Variants in ETV6 observed in about 807,000 individuals in gnomAD.
ETV6 encodes ETS variant transcription factor 6, also known as transcription factor ETV6.
In ETV6, 16 loss-of-function variants were observed where a neutral mutation model predicts 51.1. The ratio of observed to expected loss-of-function variants is 0.31; its 90% CI spans 0.21 to 0.48. The LOEUF (loss-of-function observed/expected upper bound fraction) is 0.48. ETV6 is among the 20% of genes least tolerant of loss of function. ETV6 has a pLI of 0.99. For missense variants in ETV6, 458 were observed against 594.8 expected, an observed-to-expected ratio of 0.77 and a Z score of 2.39; for synonymous variants, 240 against 224.1, an observed-to-expected ratio of 1.07 and a Z score of -0.64.
chr12:11,785,211 C>G (rs1320674891), intron 2 of ETV6, among the ~76,000 whole-genome samples: 1 of 152,024 alleles, frequency 6.6e-6, no homozygotes, highest in Non-Finnish European at 1.5e-5. Context: ...CAGGCCGTAC[C>G]AAGCATGTTC....
At position 11,891,188 on chromosome 12, in the gene ETV6, G is replaced by A. The variant is rs1246197772; in HGVS notation, c.*142G>A. Reference sequence around the variant, plus strand: ...AAATGGCAGGGACACTTCTCTTGCAGACCAAGAGGGACCCTGGAGCACCTT... The same window carrying A: ...AAATGGCAGGGACACTTCTCTTGCAAACCAAGAGGGACCCTGGAGCACCTT... On this transcript the variant is annotated 3_prime_UTR_variant, in exon 8 of 8. Coordinates refer to ENST00000396373, the MANE Select transcript of ETV6 (RefSeq NM_001987.5). The A allele has an allele frequency of 1.6e-6, 1 of 623,720 alleles. No individual in the cohort carries two copies. The highest frequency in any genetic ancestry group is 2.8e-6 in the Non-Finnish European group (1 of 354,600). 38.6% of individuals were successfully genotyped at this position (623,720 alleles called of 1,614,324 possible). A position where few individuals can be genotyped will look rare whatever the true frequency, so the allele number is the denominator to read the frequency against.
intron 7 of ETV6, among the ~76,000 whole-genome samples, chr12:11,890,588 C>T (rs954623217): frequency 1.5e-5 from 2 of 133,166 alleles, no homozygotes; most frequent in African/African-American, 5.4e-5. Context: ...CCACCGTACC[C>T]AGATTTTTTT....
chr12:11,814,400 C>G (rs557174733), intron 2 of ETV6, among the ~76,000 whole-genome samples: 2 of 151,940 alleles, frequency 1.3e-5, no homozygotes, highest in African/African-American at 4.8e-5. Context: ...ACAGATCATT[C>G]GATCTCAAAC....
chr12:11,879,712 C>T (rs990441049), intron 5 of ETV6, among the ~76,000 whole-genome samples: 2 of 152,152 alleles, frequency 1.3e-5, no homozygotes, highest in Non-Finnish European at 2.9e-5. Flanking sequence ...AAAGCCCTTT[C>T]GTTTAAGAAA....
At chr12:11,855,387 T>G (rs1370222339) in intron 4 of ETV6, among the ~76,000 whole-genome samples, 1 of 152,182 alleles carries the variant, frequency 6.6e-6, no homozygotes, top group East Asian at 1.9e-4. Flanking sequence ...CACTCAGTGA[T>G]GGATCGTGCC....
At chr12:11,799,221 A>G (rs1443387948) in intron 2 of ETV6, among the ~76,000 whole-genome samples, 3 of 152,224 alleles carry the variant, frequency 2.0e-5, no homozygotes, top group African/African-American at 7.2e-5. Flanking sequence ...ACAGGTTCAC[A>G]ACTTTGCAAG....
chr12:11,766,113 C>CTG (rs1280007923), intron 2 of ETV6, among the ~76,000 whole-genome samples: 1 of 152,122 alleles, frequency 6.6e-6, no homozygotes, highest in Non-Finnish European at 1.5e-5. Context: ...TCCCCACTTG[C>CTG]TGGGTGAAAG....
At chr12:11,765,790 G>T (rs1399700691) in intron 2 of ETV6, among the ~76,000 whole-genome samples, 1 of 152,074 alleles carries the variant, frequency 6.6e-6, no homozygotes, top group Admixed American at 6.5e-5. Flanking sequence ...ACTATAATTT[G>T]TCATTTTATT....
intron 1 of ETV6, among the ~76,000 whole-genome samples, chr12:11,651,098 C>T (rs561705607): frequency 4.3e-4 from 66 of 152,304 alleles, no homozygotes; most frequent in African/African-American, 1.4e-3. Flanking sequence ...TATCCATCTA[C>T]CCGTGTTATT....
At chr12:11,686,483 G>A (rs1864630399) in intron 1 of ETV6, among the ~76,000 whole-genome samples, 1 of 152,214 alleles carries the variant, frequency 6.6e-6, no homozygotes, top group Admixed American at 6.5e-5. Flanking sequence ...AAAAGGGTCT[G>A]GGATGTTTTT....
intron 5 of ETV6, among the ~76,000 whole-genome samples, chr12:11,877,480 A>G (rs1947009239): frequency 6.6e-6 from 1 of 152,158 alleles, no homozygotes; most frequent in Non-Finnish European, 1.5e-5. Flanking sequence ...GCACACATGC[A>G]TCTGTGCATA....
intron 2 of ETV6, among the ~76,000 whole-genome samples, chr12:11,767,775 A>G (rs775011813): frequency 4.6e-5 from 7 of 152,240 alleles, no homozygotes; most frequent in Non-Finnish European, 8.8e-5. Context: ...TATTCATTGT[A>G]TAAGAGCTTG....
chr12:11,803,878 T>C (rs1317238021), intron 2 of ETV6, among the ~76,000 whole-genome samples: 1 of 152,214 alleles, frequency 6.6e-6, no homozygotes, highest in African/African-American at 2.4e-5. Context: ...ATAGACCATA[T>C]TGATGTCATA....
intron 1 of ETV6, among the ~76,000 whole-genome samples, chr12:11,678,382 A>C (rs2541116): frequency 0.99 from 150,039 of 152,272 alleles, 73,954 homozygotes; most frequent in East Asian, 1. Flanking sequence ...TGGTTAGCTA[A>C]CAAAACTAAC....
intron 2 of ETV6, among the ~76,000 whole-genome samples, chr12:11,808,279 T>C (rs1945859560): frequency 6.6e-6 from 1 of 152,162 alleles, no homozygotes; most frequent in Non-Finnish European, 1.5e-5. Flanking sequence ...TATTTTTCTT[T>C]ACAATTCTAG....
intron 1 of ETV6, among the ~76,000 whole-genome samples, chr12:11,719,437 A>G (rs982162153): frequency 1.3e-5 from 2 of 152,140 alleles, no homozygotes; most frequent in Admixed American, 1.3e-4. Context: ...ACATCAGGAG[A>G]TTTTCTTCCC....
rs546130736 is a variant in ETV6, at chr12:11,678,000, C to A, written c.33+27840C>A. Among the ~76,000 whole-genome samples, 3 of 152,332 alleles carry A rather than the reference C, an allele frequency of 2.0e-5. No homozygotes were observed. The South Asian group carries it at 6.2e-4, about 32-fold the overall frequency. ...TCAGCACCCTTTGCTTCTGTTCCTG[C>A]ACTTGTGCCAAACCCTTTGGATGAA... On this transcript the variant is annotated intron_variant, in intron 1 of 7. Transcript: ENST00000396373.
rs1170164361 is a variant in ETV6, at chr12:11,668,456, C to T, written c.33+18296C>T. Among the ~76,000 whole-genome samples the T allele has an allele frequency of 2.7e-5, 4 of 150,802 alleles. No homozygotes were observed. In the East Asian group the frequency reaches 7.8e-4, roughly 29 times the overall value. Reference sequence around the variant, plus strand: ...TTACAAAAGGATATGCCGTTATATTCTAACAAATTATTTCTATCGAAAAGA... The same window carrying T: ...TTACAAAAGGATATGCCGTTATATTTTAACAAATTATTTCTATCGAAAAGA... On this transcript the variant is annotated intron_variant, in intron 1 of 7. Coordinates refer to ENST00000396373, the MANE Select transcript of ETV6 (RefSeq NM_001987.5).
In ETV6 at chr12:11,884,682, C is replaced by T. The variant is rs1396775490; in HGVS notation, c.1152+95C>T. The T allele has an allele frequency of 2.5e-5, 36 of 1,468,918 alleles. No homozygotes were observed. In the East Asian group the frequency reaches 3.4e-4, roughly 14 times the overall value. 91.0% of individuals were successfully genotyped at this position (1,468,918 alleles called of 1,614,324 possible). ...ATAATCGTCTGTCTTCTGCTTTTTACGTCTGCCCATACTTATTTAGTTTAT... is the reference window on the plus strand; with the variant it reads ...ATAATCGTCTGTCTTCTGCTTTTTATGTCTGCCCATACTTATTTAGTTTAT... On this transcript the variant is annotated intron_variant, in intron 6 of 7. Coordinates refer to ENST00000396373, the MANE Select transcript of ETV6 (RefSeq NM_001987.5).
Sources: gnomAD v4.1 joint callset for allele counts (sites outside exome capture counted in the v4.1 genomes callset) on GRCh38, gnomAD v4.1.1 for gene constraint, MANE v1.5 for transcripts, NCBI Gene and HGNC (gene_info 2026-07-23, HGNC 2026-07-21) for gene names.